Variants in GRM5 observed in about 807,000 individuals in gnomAD.
GRM5 encodes the protein metabotropic glutamate receptor 5.
GRM5 carries 19 observed loss-of-function variants against 83.1 expected under a neutral mutation model. That is an observed-to-expected ratio of 0.23 (90% CI 0.16 to 0.34). The LOEUF is 0.34. Among genes scored for constraint, GRM5 ranks in the 10% least tolerant of loss-of-function variants. The pLI, the probability that GRM5 is intolerant of heterozygous loss-of-function variation, is 1.00. For missense variants in GRM5, 1,160 were observed against 1,588.3 expected (o/e 0.73, Z 4.58); for synonymous variants, 675 against 633.6 (o/e 1.07, Z -0.98).
chr11:88,681,391 C>A (rs1411277095), intron 3 of GRM5, among the ~76,000 whole-genome samples: 3 of 151,596 alleles, frequency 2.0e-5, no homozygotes, highest in Non-Finnish European at 4.4e-5. Context: ...TTGCAATTTA[C>A]TTTTTGCTCT....
chr11:88,859,394 A>G (rs1258566633), intron 2 of GRM5, among the ~76,000 whole-genome samples: 1 of 151,996 alleles, frequency 6.6e-6, no homozygotes, highest in Non-Finnish European at 1.5e-5. Flanking sequence ...TTTTTTTATA[A>G]TCATCATCAT....
At chr11:88,599,235 ACT>A (rs1937907672) in intron 5 of GRM5, among the ~76,000 whole-genome samples, 1 of 152,194 alleles carries the variant, frequency 6.6e-6, no homozygotes, top group East Asian at 1.9e-4. Flanking sequence ...AAACATGAAA[ACT>A]CTATAGATTG....
chr11:88,908,846 C>T lies in GRM5; in HGVS notation c.662-58691G>A, dbSNP rs1945447580. 2.0e-5 allele frequency among the ~76,000 whole-genome samples: 3 copies of T among 152,232 alleles called. No individual in the cohort carries two copies. The South Asian group carries it at 6.2e-4, about 32-fold the overall frequency. On this transcript the variant is annotated intron_variant, in intron 2 of 9. Transcript: ENST00000305447. ...TTCAGAATGCCCAGTGAATGAGTCA[C>T]ATTTACAAAGTGTGAGTTTACCTAT... is the stretch of plus-strand genomic sequence containing the variant.
At chr11:88,795,876 G>T (rs1264370268) in intron 3 of GRM5, among the ~76,000 whole-genome samples, 2 of 152,144 alleles carry the variant, frequency 1.3e-5, no homozygotes, top group Non-Finnish European at 2.9e-5. Context: ...GTGTAGGAGA[G>T]CCCTGGAGAG....
intron 3 of GRM5, among the ~76,000 whole-genome samples, chr11:88,743,593 A>G (rs1424296025): frequency 2.0e-5 from 3 of 152,090 alleles, no homozygotes; most frequent in Non-Finnish European, 4.4e-5. Context: ...GTGGACTCTC[A>G]CAGGCTGAAT....
chr11:88,723,036 C>T (rs887448241), intron 3 of GRM5, among the ~76,000 whole-genome samples: 7 of 152,190 alleles, frequency 4.6e-5, no homozygotes, highest in Admixed American at 3.9e-4. Context: ...CTCCTGCTCC[C>T]TCCTCCCTTG....
intron 2 of GRM5, among the ~76,000 whole-genome samples, chr11:89,009,900 C>CAAAAAAAAAA (rs758398638): frequency 4.6e-5 from 1 of 21,682 alleles, no homozygotes; most frequent in African/African-American, 1.2e-4. Flanking sequence ...GACTCCGTCT[C>CAAAAAAAAAA]AAAAAAAAAA....
At chr11:88,826,941 G>T (rs1943904200) in intron 3 of GRM5, among the ~76,000 whole-genome samples, 1 of 152,182 alleles carries the variant, frequency 6.6e-6, no homozygotes, top group African/African-American at 2.4e-5. Flanking sequence ...AATCTCTTGA[G>T]ATGTCATATT....
intron 7 of GRM5, among the ~76,000 whole-genome samples, chr11:88,574,468 T>C (rs952102861): frequency 6.6e-6 from 1 of 152,082 alleles, no homozygotes; most frequent in Non-Finnish European, 1.5e-5. Flanking sequence ...ACATGTTTCA[T>C]ATTAGAAATA....
At chr11:88,678,770 C>T (rs567869328) in intron 3 of GRM5, among the ~76,000 whole-genome samples, 49 of 152,174 alleles carry the variant, frequency 3.2e-4, no homozygotes, top group African/African-American at 1.1e-3. Flanking sequence ...GAATAGTGAA[C>T]ATTTAATCTC....
chr11:88,865,726 C>A (rs1260984083), intron 2 of GRM5, among the ~76,000 whole-genome samples: 4 of 151,292 alleles, frequency 2.6e-5, no homozygotes, highest in South Asian at 2.1e-4. Flanking sequence ...AAAAAAACAA[C>A]CCCATGAAAA....
intron 2 of GRM5, among the ~76,000 whole-genome samples, chr11:88,904,957 G>T (rs1945379083): frequency 6.6e-6 from 1 of 152,108 alleles, no homozygotes; most frequent in African/African-American, 2.4e-5. Context: ...ATAAACAGAA[G>T]CTCTTATTAC....
chr11:88,881,415 G>C (rs1944951759), intron 2 of GRM5, among the ~76,000 whole-genome samples: 1 of 137,324 alleles, frequency 7.3e-6, no homozygotes, highest in South Asian at 2.3e-4. Context: ...AAAGTTACTT[G>C]GCAGAGGGCA....
At chr11:88,655,632 G>A (rs1362871132) in intron 3 of GRM5, among the ~76,000 whole-genome samples, 1 of 151,066 alleles carries the variant, frequency 6.6e-6, no homozygotes, top group Non-Finnish European at 1.5e-5. Flanking sequence ...GTCAGGATGA[G>A]AGTGATAATT....
At chr11:88,605,321 C>A (rs1938111590) in intron 4 of GRM5, among the ~76,000 whole-genome samples, 1 of 151,540 alleles carries the variant, frequency 6.6e-6, no homozygotes, top group African/African-American at 2.4e-5. Flanking sequence ...TGATAATATA[C>A]CTTTTTGGTT....
intron 3 of GRM5, among the ~76,000 whole-genome samples, chr11:88,824,648 A>G (rs1034815758): frequency 6.6e-6 from 1 of 152,144 alleles, no homozygotes; most frequent in Non-Finnish European, 1.5e-5. Flanking sequence ...CTCCTATGAG[A>G]ATCTAATGCT....
intron 2 of GRM5, among the ~76,000 whole-genome samples, chr11:88,862,149 C>G (rs973672798): frequency 6.6e-6 from 1 of 152,164 alleles, no homozygotes; most frequent in Non-Finnish European, 1.5e-5. Context: ...AGCTTAGTCA[C>G]AAGTGCCCTC....
chr11:89,042,714 A>G (rs1479932250), intron 2 of GRM5, among the ~76,000 whole-genome samples: 3 of 152,204 alleles, frequency 2.0e-5, no homozygotes, highest in Non-Finnish European at 4.4e-5. Flanking sequence ...GAGATGGGAA[A>G]AGTGTACTCC....
intron 4 of GRM5, among the ~76,000 whole-genome samples, chr11:88,623,125 G>A (rs1030309020): frequency 1.2e-4 from 18 of 151,522 alleles, no homozygotes; most frequent in African/African-American, 3.2e-4. Flanking sequence ...CACTCTTGTC[G>A]CCCAGTATGG....
Sources: allele counts gnomAD v4.1 joint callset (sites outside exome capture counted in the v4.1 genomes callset), GRCh38; gene constraint gnomAD v4.1.1; transcripts MANE v1.5; gene names NCBI Gene and HGNC (gene_info 2026-07-23, HGNC 2026-07-21).